Variants in MAP3K2 observed in about 807,000 individuals in gnomAD.
MAP3K2 encodes the protein MAP/ERK kinase kinase 2.
Under a neutral mutation model 80.3 loss-of-function variants are expected in MAP3K2, and 24 were observed. The observed-to-expected ratio is 0.30, with a 90% CI of 0.22 to 0.42. The LOEUF (loss-of-function observed/expected upper bound fraction) is 0.42. Among genes scored for constraint, MAP3K2 ranks in the 10% least tolerant of loss-of-function variants. MAP3K2 has a pLI of 1.00. For missense variants in MAP3K2, 608 were observed against 750.1 expected, an observed-to-expected ratio of 0.81 and a Z score of 2.21; for synonymous variants, 244 against 253.7, an observed-to-expected ratio of 0.96 and a Z score of 0.36.
intron 1 of MAP3K2, among the ~76,000 whole-genome samples, chr2:127,374,535 G>A (rs913077515): frequency 3.9e-5 from 6 of 152,236 alleles, no homozygotes; most frequent in Non-Finnish European, 1.5e-5. Flanking sequence ...CAGATTGCCA[G>A]TTCACAGGCA....
chr2:127,339,132 T>G lies in MAP3K2; in HGVS notation c.5-82A>C. The G allele has an allele frequency of 1.2e-6, 1 of 820,054 alleles. No individual in the cohort carries two copies. The highest frequency in any genetic ancestry group is 1.9e-6 in the Non-Finnish European group (1 of 518,066). 50.8% of individuals were successfully genotyped at this position (820,054 alleles called of 1,614,324 possible). ...CATGTATAGACATCAAACACAAAAT[T>G]TAAAATAAAATTTGATGTAGAGAAT... On this transcript the variant is annotated intron_variant, in intron 2 of 16. Transcript: ENST00000682094. The surrounding 1 kb of genome is among the most constrained non-coding windows in gnomAD (Gnocchi z 4.2).
rs1355821542 is a variant in MAP3K2, at chr2:127,339,225, A to G, written c.5-175T>C. ...ACTTTTGGTAAAATAAAATTGCACT[A>G]GACTTAATCTCTAGCATCAGTCCAC... On this transcript the variant is annotated intron_variant, in intron 2 of 16. Transcript: ENST00000682094. The surrounding 1 kb of genome is among the most constrained non-coding windows in gnomAD (Gnocchi z 4.2). Among the ~76,000 whole-genome samples the G allele has an allele frequency of 6.6e-6, 1 of 152,256 alleles. No homozygotes were observed. The highest frequency in any genetic ancestry group is 2.4e-5 in the African/African-American group (1 of 41,474).
intron 1 of MAP3K2, among the ~76,000 whole-genome samples, chr2:127,367,841 C>T (rs1269164098): frequency 1.3e-5 from 2 of 152,138 alleles, no homozygotes; most frequent in African/African-American, 2.4e-5. Flanking sequence ...GCCAGTCAAA[C>T]TTTACAGTAA....
rs1335668090 is a variant in MAP3K2, at chr2:127,304,714, T to C, written c.*2865A>G. ...GAAAGAAGAAAAAAACGGAGTGTTATATTTAACTTCCCCTGATAAAGCTGT... is the reference window on the plus strand; with the variant it reads ...GAAAGAAGAAAAAAACGGAGTGTTACATTTAACTTCCCCTGATAAAGCTGT... On this transcript the variant is annotated 3_prime_UTR_variant, in exon 17 of 17. Coordinates refer to ENST00000682094, the MANE Select transcript of MAP3K2 (RefSeq NM_001371910.2). 6.6e-6 allele frequency: 1 copy of C among 152,610 alleles called. No individual in the cohort carries two copies. The highest frequency in any genetic ancestry group is 1.5e-5 in the Non-Finnish European group (1 of 68,024). The allele number at this position is 152,610 out of a possible 1,614,324, so 9.5% of individuals were successfully genotyped here.
chr2:127,340,569 AT>A (rs1406268707), intron 2 of MAP3K2, among the ~76,000 whole-genome samples: 2 of 152,034 alleles, frequency 1.3e-5, no homozygotes, highest in African/African-American at 2.4e-5. Context: ...AGGCAGGAGA[AT>A]CTCTTGAACC....
At position 127,307,557 on chromosome 2, in the gene MAP3K2, G is replaced by A. The variant is rs1403953031; in HGVS notation, c.*22C>T. On this transcript the variant is annotated 3_prime_UTR_variant, in exon 17 of 17. Coordinates refer to ENST00000682094, the MANE Select transcript of MAP3K2 (RefSeq NM_001371910.2). The surrounding 1 kb of genome is among the most constrained non-coding windows in gnomAD (Gnocchi z 5.4). Reference sequence around the variant, plus strand: ...ATGAATAGATGGGAGCTAGGTAGAGGCACAGGAGAGGTTACTGGCTGCTAG... The same window carrying A: ...ATGAATAGATGGGAGCTAGGTAGAGACACAGGAGAGGTTACTGGCTGCTAG... 2 of 1,498,040 alleles carry A rather than the reference G, an allele frequency of 1.3e-6. No homozygotes were observed. The highest frequency in any genetic ancestry group is 2.4e-5 in the East Asian group (1 of 40,988). The allele number at this position is 1,498,040 out of a possible 1,614,324, so 92.8% of individuals were successfully genotyped here.
At chr2:127,324,015 G>T (rs561555920) in intron 10 of MAP3K2, 21 bp from the exon 11 acceptor site, 5 of 1,205,626 alleles carry the variant, frequency 4.1e-6, no homozygotes, top group South Asian at 1.4e-5. Context: ...ATATAAGATG[G>T]TTATCTTTTA....
intron 6 of MAP3K2, among the ~76,000 whole-genome samples, 154 bp from the exon 7 acceptor site, chr2:127,330,162 T>C (rs1269914459): frequency 1.3e-5 from 2 of 152,240 alleles, no homozygotes; most frequent in East Asian, 1.9e-4. Context: ...TAATTCTAAG[T>C]TGTCAGTTTC....
At chr2:127,326,856 A>T in intron 7 of MAP3K2, 39 bp from the exon 8 acceptor site, 1 of 1,397,270 alleles carries the variant, frequency 7.2e-7, no homozygotes. Flanking sequence ...AATTATAGGC[A>T]AGGGAATCAA....
rs1432567261 is a variant in MAP3K2, at chr2:127,364,601, TCA to T, written c.-65-21409_-65-21408del. 2.0e-5 allele frequency among the ~76,000 whole-genome samples: 3 copies of T among 152,256 alleles called. No homozygotes were observed. Among genetic ancestry groups the T allele is most frequent in the South Asian group, 2.1e-4 (1 of 4,820 alleles). On this transcript the variant is annotated intron_variant, in intron 1 of 16. Coordinates refer to ENST00000682094, the MANE Select transcript of MAP3K2 (RefSeq NM_001371910.2). The surrounding 1 kb of genome is among the most constrained non-coding windows in gnomAD (Gnocchi z 4.1). Reference sequence around the variant, plus strand: ...ACAGCACTTGCCATCTCTCCACTCATCACACAGTCACCTTTCTGAAAGGATAT... The same window carrying T: ...ACAGCACTTGCCATCTCTCCACTCATCACAGTCACCTTTCTGAAAGGATAT...
chr2:127,343,045 A>G (rs1357013214), intron 2 of MAP3K2, 81 bp downstream of exon 2: 5 of 1,050,846 alleles, frequency 4.8e-6, no homozygotes, highest in South Asian at 3.1e-5. Context: ...AAGGTTTATA[A>G]TAACACATAA....
In MAP3K2 at chr2:127,339,091, G is replaced by A; in HGVS notation, c.5-41C>T. On this transcript the variant is annotated intron_variant, in intron 2 of 16. Transcript: ENST00000682094. This position sits in a 1 kb window ranked among gnomAD's most constrained non-coding sequence, Gnocchi z 4.2. ...ACAACACATACATAGAATTGTAATT[G>A]TGACATATATATCAACATGTATAGA... is the stretch of plus-strand genomic sequence containing the variant. 1 of 1,214,358 alleles carries A rather than the reference G, an allele frequency of 8.2e-7. No individual in the cohort carries two copies. Among genetic ancestry groups the A allele is most frequent in the South Asian group, 1.3e-5 (1 of 74,430 alleles). The allele number at this position is 1,214,358 out of a possible 1,614,324, so 75.2% of individuals were successfully genotyped here.
In MAP3K2 at chr2:127,368,286, C is replaced by A. The variant is rs540648611; in HGVS notation, c.-66+19166G>T. On this transcript the variant is annotated intron_variant, in intron 1 of 16. Coordinates refer to ENST00000682094, the MANE Select transcript of MAP3K2 (RefSeq NM_001371910.2). ...GCAGTGAGCCGAGATCACACCACTG[C>A]ACTCCAGCCTGGGTGACAGAACAAG... is the stretch of plus-strand genomic sequence containing the variant. Among the ~76,000 whole-genome samples, 3 of 152,040 alleles carry A rather than the reference C, an allele frequency of 2.0e-5. No individual in the cohort carries two copies. In the East Asian group the frequency reaches 5.8e-4, roughly 29 times the overall value.
intron 2 of MAP3K2, among the ~76,000 whole-genome samples, chr2:127,340,236 A>C (rs901493133): frequency 3.9e-5 from 6 of 152,238 alleles, no homozygotes; most frequent in African/African-American, 1.4e-4. Context: ...GTTTTATCAT[A>C]ATGTTAGTTT....
At chr2:127,328,112 T>C (rs1409508917) in intron 7 of MAP3K2, among the ~76,000 whole-genome samples, 2 of 152,046 alleles carry the variant, frequency 1.3e-5, no homozygotes, top group Non-Finnish European at 2.9e-5. Context: ...CCATCTCTAC[T>C]AAAAATATAA....
In MAP3K2 at chr2:127,387,748, G is replaced by A; in HGVS notation, c.-362C>T. 2.0e-6 allele frequency: 2 copies of A among 985,012 alleles called. No individual in the cohort carries two copies. The highest frequency in any genetic ancestry group is 1.7e-5 in the African/African-American group (1 of 57,294). The allele number at this position is 985,012 out of a possible 1,614,324, so 61.0% of individuals were successfully genotyped here. A position where few individuals can be genotyped will look rare whatever the true frequency, so the allele number is the denominator to read the frequency against. ...AGCCGCTGCAACCCCGAGGCCCGCG[G>A]GAACTGGGCAGGAAAGGAGGAAGCC... On this transcript the variant is annotated 5_prime_UTR_variant, in exon 1 of 17. Coordinates refer to ENST00000682094, the MANE Select transcript of MAP3K2 (RefSeq NM_001371910.2).
In MAP3K2 at chr2:127,316,476, G is replaced by C. The variant is rs574721974; in HGVS notation, c.1326+1153C>G. Among the ~76,000 whole-genome samples, 7 of 152,300 alleles carry C rather than the reference G, an allele frequency of 4.6e-5. 1 individual carries two copies. In the East Asian group the frequency reaches 1.3e-3, roughly 29 times the overall value. On this transcript the variant is annotated intron_variant, in intron 14 of 16. Transcript: ENST00000682094. ...TAATACTAGATGTACTCTATATAAT[G>C]ACAGATGTCACAAATCACATTTTAT...
intron 1 of MAP3K2, among the ~76,000 whole-genome samples, chr2:127,382,769 G>A (rs535091849): frequency 5.9e-5 from 9 of 152,272 alleles, no homozygotes; most frequent in South Asian, 2.1e-4. Flanking sequence ...CAGGTGATCC[G>A]CCTGCCTTGG....
chr2:127,372,908 T>C (rs1334194533), intron 1 of MAP3K2, among the ~76,000 whole-genome samples: 1 of 152,252 alleles, frequency 6.6e-6, no homozygotes, highest in Non-Finnish European at 1.5e-5. Context: ...GCACGACTTA[T>C]GTGCTATCAA....
Sources: gnomAD v4.1 joint callset for allele counts (sites outside exome capture counted in the v4.1 genomes callset) on GRCh38, gnomAD v4.1.1 for gene constraint, Gnocchi (gnomAD v3.1) non-coding constraint, MANE v1.5 for transcripts, NCBI Gene and HGNC (gene_info 2026-07-23, HGNC 2026-07-21) for gene names.